Variants in SLC20A2 observed in about 807,000 individuals in gnomAD.
SLC20A2 encodes the protein solute carrier family 20 member 2.
A neutral mutation model predicts 61.0 loss-of-function variants in SLC20A2; 30 were observed. The observed-to-expected ratio is 0.49, with a 90% CI of 0.37 to 0.67. The LOEUF (loss-of-function observed/expected upper bound fraction) is 0.67, where lower values mean the gene tolerates loss of function less well. Ranked by LOEUF, SLC20A2 falls within the 30% of genes least tolerant of loss-of-function variation. The probability of loss-of-function intolerance (pLI) is 0.00; values close to 1 mark genes in which losing one functional copy is unlikely to be tolerated. For missense variants in SLC20A2, 626 were observed against 866.4 expected, an observed-to-expected ratio of 0.72 and a Z score of 3.48; for synonymous variants, 351 against 353.3, an observed-to-expected ratio of 0.99 and a Z score of 0.07.
chr8:42,499,637 C>G (rs117885899), intron 1 of SLC20A2, among the ~76,000 whole-genome samples: 259 of 152,318 alleles, frequency 1.7e-3, no homozygotes, highest in Middle Eastern at 3.4e-3. Context: ...TACCCAACTA[C>G]AGTGTACCTT....
chr8:42,453,676 C>G (rs1805913898), intron 5 of SLC20A2, among the ~76,000 whole-genome samples: 1 of 152,128 alleles, frequency 6.6e-6, no homozygotes, highest in Non-Finnish European at 1.5e-5. Context: ...GAAACATTCC[C>G]CTGGAATCAA....
In SLC20A2 at chr8:42,462,594, A is replaced by G. The variant is rs75752873; in HGVS notation, c.516+411T>C. ...GTGTTTCAACCTTGCTCTCTCCATT[A>G]AAAAAAAAAAAGGGAACACACCTTC... On this transcript the variant is annotated intron_variant, in intron 4 of 10. Coordinates refer to ENST00000520262, the MANE Select transcript of SLC20A2 (RefSeq NM_001257180.2). 1.4e-3 allele frequency among the ~76,000 whole-genome samples: 184 copies of G among 136,130 alleles called. 1 individual carries two copies. Among genetic ancestry groups the G allele is most frequent in the Middle Eastern group, 7.2e-3 (2 of 276 alleles). 89.3% of individuals were successfully genotyped at this position (136,130 alleles called of 152,430 possible).
chr8:42,422,055 A>G lies in SLC20A2; in HGVS notation c.1795-4088T>C, dbSNP rs554957657. 2.0e-5 allele frequency among the ~76,000 whole-genome samples: 3 copies of G among 152,024 alleles called. No homozygotes were observed. In the East Asian group the frequency reaches 5.8e-4, roughly 29 times the overall value. Reference sequence around the variant, plus strand: ...TGGTCCTGCTGAAAGGTTCTTGTATAGTATTGTTTTGTTTTGAGATAGAGT... The same window carrying G: ...TGGTCCTGCTGAAAGGTTCTTGTATGGTATTGTTTTGTTTTGAGATAGAGT... On this transcript the variant is annotated intron_variant, in intron 10 of 10. Coordinates refer to ENST00000520262, the MANE Select transcript of SLC20A2 (RefSeq NM_001257180.2).
chr8:42,459,235 C>CAAAAAAAAAAAAAA (rs756966778), intron 5 of SLC20A2, among the ~76,000 whole-genome samples: 5 of 36,076 alleles, frequency 1.4e-4, no homozygotes, highest in East Asian at 1.1e-3. Flanking sequence ...GACTCTATCT[C>CAAAAAAAAAAAAAA]AAAAAAAAAA....
intron 1 of SLC20A2, among the ~76,000 whole-genome samples, chr8:42,475,374 A>G (rs1262970645): frequency 1.3e-5 from 2 of 150,630 alleles, no homozygotes; most frequent in East Asian, 2.0e-4. Flanking sequence ...TGCTGGGATC[A>G]CTGGTGTGAG....
At position 42,521,285 on chromosome 8, in the gene SLC20A2, T is replaced by C; in HGVS notation, c.-265+20536A>G. Among the ~76,000 whole-genome samples, 2 of 121,644 alleles carry C rather than the reference T, an allele frequency of 1.6e-5. 1 individual carries two copies. The highest frequency in any genetic ancestry group is 5.1e-5 in the African/African-American group (2 of 39,536). The allele number at this position is 121,644 out of a possible 152,430, so 79.8% of individuals were successfully genotyped here. A position where few individuals can be genotyped will look rare whatever the true frequency, so the allele number is the denominator to read the frequency against. On this transcript the variant is annotated intron_variant, in intron 1 of 10. Coordinates refer to the SLC20A2 transcript ENST00000342228. Reference sequence around the variant, plus strand: ...GCAGTAAAAAGTAACAAACTGCTGATACTCAGGACTCAATGCATACTCAAT... The same window carrying C: ...GCAGTAAAAAGTAACAAACTGCTGACACTCAGGACTCAATGCATACTCAAT...
intron 1 of SLC20A2, among the ~76,000 whole-genome samples, chr8:42,508,330 T>A (rs1167435470): frequency 2.0e-5 from 3 of 151,764 alleles, no homozygotes; most frequent in African/African-American, 7.3e-5. Flanking sequence ...AAAAAAGGGA[T>A]CTTGGAGGGA....
At chr8:42,507,741 G>A (rs532114161) in intron 1 of SLC20A2, among the ~76,000 whole-genome samples, 4 of 152,344 alleles carry the variant, frequency 2.6e-5, no homozygotes, top group South Asian at 2.1e-4. Context: ...ATAATGTGAT[G>A]AGTCATGACA....
Position 42,439,591 on chromosome 8 carries a change from C to T in SLC20A2, c.793G>A (p.Glu265Lys). The T allele has an allele frequency of 1.9e-6, 3 of 1,614,222 alleles. No individual in the cohort carries two copies. Among genetic ancestry groups the T allele is most frequent in the Non-Finnish European group, 2.5e-6 (3 of 1,180,040 alleles). Reference protein sequence around the residue: ...VSDESLSKVQEAESPVFKELP... With the variant: ...VSDESLSKVQKAESPVFKELP... ...TCTTTAAATACTGGGGACTCTGCTT[C>T]CTGAACCTTACTGAGGCTTTCGTCA... Residue 265 changes from glutamate to lysine, a missense_variant, in exon 7 of 11, where the codon GAA becomes AAA. Around this residue, in one of 3 missense-constraint regions of SLC20A2, gnomAD observed 361 missense variants for 422.3 expected, o/e 0.85. Transcript: ENST00000520262.
At chr8:42,468,739 C>T (rs533033694) in intron 2 of SLC20A2, among the ~76,000 whole-genome samples, 138 of 149,336 alleles carry the variant, frequency 9.2e-4, no homozygotes, top group Non-Finnish European at 1.7e-3. Flanking sequence ...AGGGAGGCTG[C>T]CGGGCGGGGG....
At chr8:42,467,451 G>T (rs1413475826) in intron 2 of SLC20A2, among the ~76,000 whole-genome samples, 1 of 152,214 alleles carries the variant, frequency 6.6e-6, no homozygotes, top group Non-Finnish European at 1.5e-5. Flanking sequence ...AACTGTAGGG[G>T]AACAAAGGGC....
At chr8:42,540,104 C>A (rs910940730) in intron 1 of SLC20A2, among the ~76,000 whole-genome samples, 17 of 152,128 alleles carry the variant, frequency 1.1e-4, no homozygotes, top group African/African-American at 2.4e-5. Flanking sequence ...CCAGCCTAGC[C>A]AACATGGTGA....
chr8:42,430,196 A>G lies in SLC20A2; in HGVS notation c.1577T>C (p.Val526Ala). 2 of 1,613,356 alleles carry G rather than the reference A, an allele frequency of 1.2e-6. No individual in the cohort carries two copies. The highest frequency in any genetic ancestry group is 1.7e-6 in the Non-Finnish European group (2 of 1,179,748). Residue 526 changes from valine to alanine, a missense_variant, in exon 9 of 11, where the codon GTA becomes GCA. By Grantham distance (64) the Val-to-Ala change is moderately conservative. Transcript: ENST00000520262. Reference protein sequence around the residue: ...ALWLIYKQGGVTQEAATPVWL... With the variant: ...ALWLIYKQGGATQEAATPVWL... The stretch of plus-strand genomic sequence containing the variant: ...GACGGGTGTAGCTGCTTCTTGCGTT[A>G]CCCCGCCTTGTTTGTAAATCAGCCA...
At chr8:42,447,614 C>G (rs1805328594) in intron 5 of SLC20A2, among the ~76,000 whole-genome samples, 1 of 152,206 alleles carries the variant, frequency 6.6e-6, no homozygotes, top group South Asian at 2.1e-4. Flanking sequence ...GAAGGTGGAG[C>G]TGCAGTGAGC....
intron 1 of SLC20A2, among the ~76,000 whole-genome samples, chr8:42,486,430 C>G (rs1809016537): frequency 6.6e-6 from 1 of 152,002 alleles, no homozygotes. Context: ...CTCCTGGGCT[C>G]AAGCGATCCT....
At chr8:42,482,223 G>A (rs769241883) in intron 1 of SLC20A2, among the ~76,000 whole-genome samples, 41 of 152,214 alleles carry the variant, frequency 2.7e-4, no homozygotes, top group Non-Finnish European at 5.0e-4. Flanking sequence ...CTGAATGAAC[G>A]TATGACAGGT....
At position 42,462,997 on chromosome 8, in the gene SLC20A2, C is replaced by A; in HGVS notation, c.516+8G>T. 6.4e-7 allele frequency: 1 copy of A among 1,551,594 alleles called. No homozygotes were observed. The highest frequency in any genetic ancestry group is 8.8e-7 in the Non-Finnish European group (1 of 1,141,710). On this transcript the variant is annotated splice_region_variant and intron_variant, in intron 4 of 10. Coordinates refer to ENST00000520262, the MANE Select transcript of SLC20A2 (RefSeq NM_001257180.2). ...TAAGATTTAATTAAAAGTAGCAGCC[C>A]CACTTACCTTTTTTAAGATGAAAAT...
At chr8:42,519,423 G>A (rs535583762) in intron 1 of SLC20A2, among the ~76,000 whole-genome samples, 67 of 148,068 alleles carry the variant, frequency 4.5e-4, no homozygotes, top group Non-Finnish European at 6.4e-4. Flanking sequence ...CAGCCTGGGC[G>A]ACAGAGCGAG....
At chr8:42,418,825 C>T (rs1230963662) in intron 10 of SLC20A2, among the ~76,000 whole-genome samples, 6 of 151,576 alleles carry the variant, frequency 4.0e-5, no homozygotes, top group Admixed American at 6.6e-5. Context: ...GGTGAAACCC[C>T]GTCTCTACTA....
Sources: allele counts gnomAD v4.1 joint callset (sites outside exome capture counted in the v4.1 genomes callset), GRCh38; gene constraint gnomAD v4.1.1; regional missense constraint gnomAD v4.1.1; transcripts MANE v1.5; gene names NCBI Gene and HGNC (gene_info 2026-07-23, HGNC 2026-07-21).